Variants in PMS1 observed in about 807,000 individuals in gnomAD.
The protein encoded by PMS1 is PMS1 protein homolog 1.
PMS1 carries 79 observed loss-of-function variants against 93.1 expected under a neutral mutation model. The observed-to-expected ratio is 0.85, with a 90% CI of 0.71 to 1.02. The LOEUF is 1.02. Ranked by LOEUF, PMS1 falls within the 50% of genes least tolerant of loss-of-function variation. The pLI is 0.00. For synonymous variants in PMS1, 335 were observed against 363.4 expected (o/e 0.92, Z 0.89); for missense variants, 1,064 against 1,085.3 (o/e 0.98, Z 0.28).
intron 10 of PMS1, among the ~76,000 whole-genome samples, chr2:189,865,242 A>G (rs547690380): frequency 4.6e-5 from 7 of 152,096 alleles, no homozygotes; most frequent in Non-Finnish European, 8.8e-5. Flanking sequence ...TCCACATACT[A>G]CATTTGGTTA....
intron 4 of PMS1, among the ~76,000 whole-genome samples, chr2:189,816,783 G>A (rs1202754284): frequency 6.6e-6 from 1 of 151,998 alleles, no homozygotes; most frequent in African/African-American, 2.4e-5. Flanking sequence ...TAAGCAGTAG[G>A]ACAAAAATTG....
chr2:189,870,892 G>A (rs1281681737), intron 11 of PMS1, among the ~76,000 whole-genome samples: 1 of 152,048 alleles, frequency 6.6e-6, no homozygotes, highest in African/African-American at 2.4e-5. Flanking sequence ...CTGTTAGTTC[G>A]TTTGTGTTTC....
chr2:189,849,297 T>G (rs2054501779), intron 6 of PMS1, among the ~76,000 whole-genome samples: 1 of 152,194 alleles, frequency 6.6e-6, no homozygotes, highest in Non-Finnish European at 1.5e-5. Flanking sequence ...TAGTTTATGC[T>G]AAGTTCTGAA....
chr2:189,837,681 T>C (rs1210738138), intron 5 of PMS1, among the ~76,000 whole-genome samples: 6 of 152,158 alleles, frequency 3.9e-5, no homozygotes, highest in Non-Finnish European at 7.3e-5. Flanking sequence ...GTTCCACTCA[T>C]AGATCTATAC....
intron 1 of PMS1, among the ~76,000 whole-genome samples, chr2:189,785,006 G>A (rs1005963788): frequency 3.3e-5 from 5 of 152,188 alleles, no homozygotes; most frequent in African/African-American, 1.2e-4. Context: ...GGGTTTATCC[G>A]TACGCCGAAG....
At position 189,854,026 on chromosome 2, in the gene PMS1, G is replaced by A. The variant is rs2106458504; in HGVS notation, c.910G>A (p.Ala304Thr). 1.2e-6 allele frequency: 2 copies of A among 1,606,130 alleles called. No individual in the cohort carries two copies. Among genetic ancestry groups the A allele is most frequent in the Non-Finnish European group, 1.7e-6 (2 of 1,175,688 alleles). Reference sequence around the variant, plus strand: ...CTTTCTGAAAATCGATGTTCCTACAGCTGATGTTGATGTAAATTTAACACC... The same window carrying A: ...CTTTCTGAAAATCGATGTTCCTACAACTGATGTTGATGTAAATTTAACACC... ...VFFLKIDVPTADVDVNLTPDK... is the reference protein window; with the variant it reads ...VFFLKIDVPTTDVDVNLTPDK... Residue 304 changes from alanine (A) to threonine (T), a missense_variant, in exon 8 of 13, where the codon GCT (alanine) becomes ACT (threonine). By Grantham distance (58) the Ala-to-Thr change is moderately conservative (BLOSUM62 0). Coordinates refer to ENST00000441310, the MANE Select transcript of PMS1 (RefSeq NM_000534.5).
At chr2:189,867,747 C>A (rs2056786577) in intron 10 of PMS1, 52 bp from the exon 11 acceptor site, 1 of 1,356,222 alleles carries the variant, frequency 7.4e-7, no homozygotes, top group East Asian at 2.3e-5. Flanking sequence ...TTCCCGTAAA[C>A]CCCCTTATTT....
intron 3 of PMS1, among the ~76,000 whole-genome samples, chr2:189,803,988 A>C (rs1480474511): frequency 6.6e-6 from 1 of 152,236 alleles, no homozygotes; most frequent in African/African-American, 2.4e-5. Flanking sequence ...ATATATGTTT[A>C]AAGGATGAGC....
chr2:189,836,575 G>C (rs145008406), intron 5 of PMS1, among the ~76,000 whole-genome samples: 43 of 152,304 alleles, frequency 2.8e-4, no homozygotes, highest in African/African-American at 1.0e-3. Context: ...AGTATTCCCA[G>C]TTCTTATTCA....
At chr2:189,825,905 C>T (rs1015235647) in intron 5 of PMS1, among the ~76,000 whole-genome samples, 7 of 152,026 alleles carry the variant, frequency 4.6e-5, no homozygotes, top group Admixed American at 3.9e-4. Flanking sequence ...ATGTCAGCTC[C>T]GAAGTGTTGA....
chr2:189,784,743 G>C (rs1419673004), intron 1 of PMS1, 150 bp downstream of exon 1: 10 of 152,772 alleles, frequency 6.5e-5, no homozygotes, highest in Admixed American at 6.5e-4. Context: ...TTGCGGGCGC[G>C]CACACGTGGA....
intron 2 of PMS1, among the ~76,000 whole-genome samples, chr2:189,794,254 AG>A (rs1432181062): frequency 6.6e-6 from 1 of 152,110 alleles, no homozygotes; most frequent in African/African-American, 2.4e-5. Flanking sequence ...CTGGGATTAC[AG>A]GTGTGTGCCA....
chr2:189,871,811 G>C (rs148812916), intron 11 of PMS1, among the ~76,000 whole-genome samples: 246 of 152,288 alleles, frequency 1.6e-3, no homozygotes, highest in African/African-American at 5.8e-3. Flanking sequence ...AAGAAATGAG[G>C]TTTATTTGGC....
intron 1 of PMS1, 62 bp from the exon 2 acceptor site, chr2:189,791,728 C>T: frequency 1.8e-6 from 2 of 1,131,622 alleles, no homozygotes; most frequent in Non-Finnish European, 1.3e-6. Flanking sequence ...ATTATTATTG[C>T]CATTTGTCCT....
rs368186524 is a variant in PMS1, at chr2:189,853,925, A to G, written c.823-14A>G. ...CATATTATTTTTTCTTTTATTTATT[A>G]CATGTATTTCTAGTTAATCCGACAT... On this transcript the variant is annotated splice_polypyrimidine_tract_variant and intron_variant, in intron 7 of 12. Transcript: ENST00000441310. 3.7e-5 allele frequency: 54 copies of G among 1,468,310 alleles called. No homozygotes were observed. In the Middle Eastern group the frequency reaches 1.5e-3, roughly 40 times the overall value. 91.0% of individuals were successfully genotyped at this position (1,468,310 alleles called of 1,614,324 possible).
intron 6 of PMS1, among the ~76,000 whole-genome samples, chr2:189,848,665 A>C (rs772041317): frequency 2.0e-5 from 3 of 152,106 alleles, no homozygotes; most frequent in Non-Finnish European, 4.4e-5. Flanking sequence ...TTTGGTAAGC[A>C]TGTGTTAATG....
chr2:189,806,910 A>T (rs893354465), intron 4 of PMS1: 4 of 211,842 alleles, frequency 1.9e-5, no homozygotes, highest in Non-Finnish European at 3.8e-5. Flanking sequence ...GTTGTTGTTT[A>T]TCCTTCTGCT....
chr2:189,801,440 A>C (rs1024247823), intron 3 of PMS1, among the ~76,000 whole-genome samples: 1 of 152,204 alleles, frequency 6.6e-6, no homozygotes, highest in Non-Finnish European at 1.5e-5. Context: ...GTCTCATAAA[A>C]ATTTTTATAA....
Position 189,818,075 on chromosome 2 carries a change from C to T in PMS1, c.477C>T (p.Tyr159=). 2 of 1,603,976 alleles carry T rather than the reference C, an allele frequency of 1.2e-6. No individual in the cohort carries two copies. Among genetic ancestry groups the T allele is most frequent in the Non-Finnish European group, 1.7e-6 (2 of 1,171,276 alleles). Residue 159 remains tyrosine (Y), a synonymous_variant, in exon 5 of 13, where the codon TAC becomes TAT. Coordinates refer to ENST00000441310, the MANE Select transcript of PMS1 (RefSeq NM_000534.5). The part of the protein sequence containing the change: ...FKNLPVRKQF[Y]STAKKCKDEI... ...ATCTACCTGTAAGAAAGCAGTTTTA[C>T]TCAACTGCAAAAAAATGTAAAGATG...
Sources: gnomAD v4.1 joint callset for allele counts (sites outside exome capture counted in the v4.1 genomes callset) on GRCh38, gnomAD v4.1.1 for gene constraint, MANE v1.5 for transcripts, NCBI Gene and HGNC (gene_info 2026-07-23, HGNC 2026-07-21) for gene names.